SNX29: variants seen among roughly 807,000 people sequenced by gnomAD.
SNX29 encodes the protein sorting nexin 29, also known as sorting nexin-29.
In SNX29, 78 loss-of-function variants were observed where a neutral mutation model predicts 102.1. The observed-to-expected ratio is 0.76, with a 90% CI of 0.64 to 0.92. SNX29 has a LOEUF of 0.92. SNX29 is among the 40% of genes least tolerant of loss of function. The probability of loss-of-function intolerance (pLI) is 0.00; values close to 1 mark genes in which losing one functional copy is unlikely to be tolerated. For synonymous variants in SNX29, 580 were observed against 414.5 expected (o/e 1.40, Z -4.85); for missense variants, 1,280 against 1,061.7 (o/e 1.21, Z -2.86).
At chr16:12,357,715 C>T (rs1262061231) in intron 16 of SNX29, among the ~76,000 whole-genome samples, 1 of 152,152 alleles carries the variant, frequency 6.6e-6, no homozygotes, top group Non-Finnish European at 1.5e-5. Context: ...TCCCCCTAGC[C>T]CTTGGCGACC....
At chr16:12,123,767 C>G (rs1490183099) in intron 11 of SNX29, among the ~76,000 whole-genome samples, 1 of 152,148 alleles carries the variant, frequency 6.6e-6, no homozygotes, top group Non-Finnish European at 1.5e-5. Context: ...CGATGTTCTC[C>G]TAAGATGGGC....
At chr16:12,476,059 G>A (rs935251770) in intron 18 of SNX29, among the ~76,000 whole-genome samples, 7 of 151,954 alleles carry the variant, frequency 4.6e-5, no homozygotes, top group Admixed American at 6.6e-5. Context: ...GGTGGGTCAC[G>A]CCTATAATCC....
chr16:12,187,060 G>T (rs1030399802), intron 13 of SNX29, among the ~76,000 whole-genome samples: 1 of 152,212 alleles, frequency 6.6e-6, no homozygotes, highest in African/African-American at 2.4e-5. Context: ...GAGGAATCCG[G>T]ACTTCCACCT....
chr16:12,403,246 GTGTGTGTGT>G lies in SNX29; in HGVS notation c.1956-201_1956-193del, dbSNP rs1567527959. Among the ~76,000 whole-genome samples the G allele has an allele frequency of 7.3e-3, 1,043 of 143,108 alleles. 16 individuals are homozygous for G. The highest frequency in any genetic ancestry group is 0.018 in the African/African-American group (683 of 37,450). 93.9% of individuals were successfully genotyped at this position (143,108 alleles called of 152,430 possible). On this transcript the variant is annotated intron_variant, in intron 17 of 20. Transcript: ENST00000566228. Reference sequence around the variant, plus strand: ...TGTGTGTGTGTGTGTGTGTGTGTGTGTGTGTGTGTAGAGAGAGACAGACTGAGTGATGAC... The same window carrying G: ...TGTGTGTGTGTGTGTGTGTGTGTGTGAGAGAGAGACAGACTGAGTGATGAC...
intron 18 of SNX29, among the ~76,000 whole-genome samples, chr16:12,425,808 G>T (rs1005600763): frequency 6.6e-6 from 1 of 152,038 alleles, no homozygotes; most frequent in Admixed American, 6.6e-5. Context: ...TGAGCATCTT[G>T]TGCTGAGAGC....
intron 20 of SNX29, among the ~76,000 whole-genome samples, chr16:12,565,811 G>T (rs2078978688): frequency 6.6e-6 from 1 of 152,082 alleles, no homozygotes; most frequent in African/African-American, 2.4e-5. Context: ...GCAACCCTCA[G>T]CTCACTTCTG....
At chr16:12,181,544 A>T (rs1414741602) in intron 13 of SNX29, among the ~76,000 whole-genome samples, 3 of 152,184 alleles carry the variant, frequency 2.0e-5, no homozygotes, top group African/African-American at 7.2e-5. Context: ...GTTTGCCCTA[A>T]GCAGTTCCCA....
At chr16:12,520,437 T>C (rs181560890) in intron 19 of SNX29, among the ~76,000 whole-genome samples, 33 of 152,346 alleles carry the variant, frequency 2.2e-4, no homozygotes, top group Non-Finnish European at 3.4e-4. Context: ...CTCAGCCACC[T>C]CCTAGTCTTG....
At chr16:12,352,432 G>C (rs950874191) in intron 15 of SNX29, among the ~76,000 whole-genome samples, 2 of 152,042 alleles carry the variant, frequency 1.3e-5, no homozygotes, top group Non-Finnish European at 2.9e-5. Flanking sequence ...TGAGTTAATG[G>C]GTGCAGCACA....
At chr16:12,186,716 C>CT (rs1408282412) in intron 13 of SNX29, among the ~76,000 whole-genome samples, 2 of 152,056 alleles carry the variant, frequency 1.3e-5, no homozygotes, top group Non-Finnish European at 2.9e-5. Flanking sequence ...ATGACCTTGA[C>CT]TTTTTTTTCT....
In SNX29 at chr16:12,183,659, C is replaced by G. The variant is rs74416103; in HGVS notation, c.1596-15942C>G. Among the ~76,000 whole-genome samples the G allele has an allele frequency of 4.5e-3, 684 of 152,308 alleles. 7 individuals are homozygous for G. The highest frequency in any genetic ancestry group is 0.015 in the African/African-American group (627 of 41,568). On this transcript the variant is annotated intron_variant, in intron 13 of 20. Transcript: ENST00000566228. ...CAGAGGCATTTGAACCAGAACAACTCCATCTGGAATAGGGGCTGGGTAGAA... is the reference window on the plus strand; with the variant it reads ...CAGAGGCATTTGAACCAGAACAACTGCATCTGGAATAGGGGCTGGGTAGAA...
chr16:12,271,533 A>T (rs1431735969), intron 14 of SNX29, among the ~76,000 whole-genome samples: 1 of 152,160 alleles, frequency 6.6e-6, no homozygotes, highest in African/African-American at 2.4e-5. Context: ...AGTCCAGCCT[A>T]TGCTCAAGGG....
At position 12,503,013 on chromosome 16, in the gene SNX29, T is replaced by G. The variant is rs531137654; in HGVS notation, c.2179-21689T>G. Among the ~76,000 whole-genome samples the G allele has an allele frequency of 5.3e-5, 8 of 152,302 alleles. No individual in the cohort carries two copies. In the East Asian group the frequency reaches 1.5e-3, roughly 29 times the overall value. ...GTGCCTTTCTGCCTTTTTTCCCTAA[T>G]CCCATGTATCTTGTTTTGTGAACTT... On this transcript the variant is annotated intron_variant, in intron 19 of 20. Transcript: ENST00000566228.
chr16:12,300,660 A>G (rs2080139362), intron 15 of SNX29, among the ~76,000 whole-genome samples: 1 of 152,218 alleles, frequency 6.6e-6, no homozygotes, highest in African/African-American at 2.4e-5. Flanking sequence ...GCATACTTGT[A>G]ACCCTGACTT....
chr16:12,226,574 C>CT (rs33956641), intron 14 of SNX29, among the ~76,000 whole-genome samples: 8,881 of 133,218 alleles, frequency 0.067, 808 homozygotes, highest in African/African-American at 0.2. Context: ...ACTGAGCCTT[C>CT]TTTTTTTTTT....
chr16:12,353,111 G>T (rs2082033406), intron 15 of SNX29, among the ~76,000 whole-genome samples: 1 of 152,118 alleles, frequency 6.6e-6, no homozygotes, highest in African/African-American at 2.4e-5. Flanking sequence ...AGTCACTCTA[G>T]CATAATTTAC....
In SNX29 at chr16:12,262,588, C is replaced by A. The variant is rs535716114; in HGVS notation, c.1679-15345C>A. Among the ~76,000 whole-genome samples the A allele has an allele frequency of 5.9e-5, 9 of 152,258 alleles. No homozygotes were observed. The East Asian group carries it at 1.7e-3, about 29-fold the overall frequency. The stretch of plus-strand genomic sequence containing the variant: ...TACACCGGCGGGATGAGAGCGCAGG[C>A]CTGTCGCGGAGTAAGAGGTAGCAAC... On this transcript the variant is annotated intron_variant, in intron 14 of 20. Coordinates refer to ENST00000566228, the MANE Select transcript of SNX29 (RefSeq NM_032167.5).
Position 12,219,502 on chromosome 16 carries a change from A to G in SNX29, c.1678+19819A>G, listed in dbSNP as rs139481679. On this transcript the variant is annotated intron_variant, in intron 14 of 20. Coordinates refer to ENST00000566228, the MANE Select transcript of SNX29 (RefSeq NM_032167.5). ...TACTGATTATTTTCGCTACCTTGCT[A>G]ATGACATACAACCTGTAGTGTGAAG... Among the ~76,000 whole-genome samples, 5 of 152,306 alleles carry G rather than the reference A, an allele frequency of 3.3e-5. No homozygotes were observed. The East Asian group carries it at 9.6e-4, about 29-fold the overall frequency.
Position 12,477,999 on chromosome 16 carries a change from A to T in SNX29, c.2178+140A>T, listed in dbSNP as rs146232348. On this transcript the variant is annotated intron_variant, in intron 19 of 20. Coordinates refer to ENST00000566228, the MANE Select transcript of SNX29 (RefSeq NM_032167.5). ...GAGATAAGAAAAAAATAGAGAAAAG[A>T]AATAGCCATTCATAATTCCACCACC... The T allele has an allele frequency of 1.4e-4, 140 of 1,003,714 alleles. No individual in the cohort carries two copies. In the African/African-American group the frequency reaches 2.2e-3, roughly 16 times the overall value. The allele number at this position is 1,003,714 out of a possible 1,614,324, so 62.2% of individuals were successfully genotyped here.
Sources: gnomAD v4.1 joint callset for allele counts (sites outside exome capture counted in the v4.1 genomes callset) on GRCh38, gnomAD v4.1.1 for gene constraint, MANE v1.5 for transcripts, NCBI Gene and HGNC (gene_info 2026-07-23, HGNC 2026-07-21) for gene names.